The following TLCD3A variants were observed in gnomAD, a reference collection of about 807,000 sequenced individuals.
TLCD3A encodes TLC domain-containing protein 3A.
In TLCD3A, 17 loss-of-function variants were observed where a neutral mutation model predicts 29.9. That is an observed-to-expected ratio of 0.57 (90% CI 0.39 to 0.85). TLCD3A has a LOEUF of 0.85. Ranked by LOEUF, TLCD3A falls within the 40% of genes least tolerant of loss-of-function variation. The probability of loss-of-function intolerance (pLI) is 0.00; values close to 1 mark genes in which losing one functional copy is unlikely to be tolerated. For synonymous variants in TLCD3A, 143 were observed against 147.7 expected (o/e 0.97, Z 0.23); for missense variants, 332 against 350.8 (o/e 0.95, Z 0.43).
At position 741,758 on chromosome 17, in the gene TLCD3A, G is replaced by A; in HGVS notation, c.*188G>A. The A allele has an allele frequency of 1.5e-6, 1 of 682,234 alleles. No homozygotes were observed. The highest frequency in any genetic ancestry group is 1.9e-5 in the South Asian group (1 of 51,966). The allele number at this position is 682,234 out of a possible 1,614,324, so 42.3% of individuals were successfully genotyped here. On this transcript the variant is annotated 3_prime_UTR_variant, in exon 5 of 5. Transcript: ENST00000308278. ...CCCTATTTGCAAAAGCACTTTTGTA[G>A]TAACAACTATTGGGTCCTGTCAGAC...
intron 2 of TLCD3A, among the ~76,000 whole-genome samples, chr17:733,517 G>A (rs1043535780): frequency 1.3e-5 from 2 of 152,184 alleles, no homozygotes; most frequent in Non-Finnish European, 2.9e-5. Flanking sequence ...GAGCATCACT[G>A]GCTAACAGAC....
intron 2 of TLCD3A, among the ~76,000 whole-genome samples, chr17:737,645 T>C (rs935066973): frequency 5.3e-5 from 8 of 152,210 alleles, no homozygotes; most frequent in Admixed American, 1.3e-4. Context: ...GCTGAGTGAA[T>C]GCCTGCTTTT....
chr17:737,527 A>G lies in TLCD3A; in HGVS notation c.207-319A>G, dbSNP rs780211779. Among the ~76,000 whole-genome samples, 100 of 152,256 alleles carry G rather than the reference A, an allele frequency of 6.6e-4. 1 individual carries two copies. The highest frequency in any genetic ancestry group is 2.1e-4 in the Non-Finnish European group (14 of 68,016). On this transcript the variant is annotated intron_variant, in intron 2 of 4. Transcript: ENST00000308278. ...TTGGTGGGGCCGTTGAATCATTTGT[A>G]TATCTATCTATATCAAAATCAGTTT...
chr17:735,949 G>C (rs377717688), intron 2 of TLCD3A, among the ~76,000 whole-genome samples: 1 of 148,016 alleles, frequency 6.8e-6, no homozygotes, highest in African/African-American at 2.5e-5. Context: ...CATCCAGCCT[G>C]GGCGACAGAG....
At position 741,282 on chromosome 17, in the gene TLCD3A, C is replaced by T. The variant is rs1286913992; in HGVS notation, c.505-19C>T. 1.2e-6 allele frequency: 2 copies of T among 1,606,184 alleles called. No individual in the cohort carries two copies. Among genetic ancestry groups the T allele is most frequent in the Non-Finnish European group, 1.7e-6 (2 of 1,174,872 alleles). On this transcript the variant is annotated intron_variant, in intron 4 of 4. Transcript: ENST00000308278. Reference sequence around the variant, plus strand: ...AGCTTCTTGGTGACCTTACCTTTTTCCTTCCTCTTCTATTGCAGCTAAAGC... The same window carrying T: ...AGCTTCTTGGTGACCTTACCTTTTTTCTTCCTCTTCTATTGCAGCTAAAGC...
chr17:737,138 A>C (rs1303240556), intron 2 of TLCD3A, among the ~76,000 whole-genome samples: 2 of 152,050 alleles, frequency 1.3e-5, no homozygotes, highest in Non-Finnish European at 2.9e-5. Context: ...CAGCCTCCCA[A>C]GTAGCTGGGA....
In TLCD3A at chr17:738,096, C is replaced by CTTTTTTCTTT. The variant is rs1974190356; in HGVS notation, c.408+55_408+56insCTTTTTTTTT. 2.2e-5 allele frequency: 11 copies of CTTTTTTCTTT among 503,558 alleles called. 1 individual carries two copies. Among genetic ancestry groups the CTTTTTTCTTT allele is most frequent in the Non-Finnish European group, 3.1e-5 (10 of 323,932 alleles). The allele number at this position is 503,558 out of a possible 1,614,324, so 31.2% of individuals were successfully genotyped here. On this transcript the variant is annotated intron_variant, in intron 3 of 4. Coordinates refer to ENST00000308278, the MANE Select transcript of TLCD3A (RefSeq NM_024792.3). ...CCAGCAGCTGGGTTGAGCTGGGTGT[C>CTTTTTTCTTT]TTTTTTTTTTTTTTTTTCTGAGACA...
Position 736,226 on chromosome 17 carries a change from C to T in TLCD3A, c.207-1620C>T, listed in dbSNP as rs181394293. Among the ~76,000 whole-genome samples, 339 of 152,260 alleles carry T rather than the reference C, an allele frequency of 2.2e-3. 3 individuals are homozygous for T. Among genetic ancestry groups the T allele is most frequent in the African/African-American group, 7.8e-3 (323 of 41,546 alleles). On this transcript the variant is annotated intron_variant, in intron 2 of 4. Coordinates refer to ENST00000308278, the MANE Select transcript of TLCD3A (RefSeq NM_024792.3). ...TTAATACAGATTTCAGGGCCCTCGG[C>T]TTACAATTTAGAATCTCTGGGGACT... is the stretch of plus-strand genomic sequence containing the variant.
At chr17:738,332 G>C (rs549968091) in intron 3 of TLCD3A, among the ~76,000 whole-genome samples, 4 of 152,208 alleles carry the variant, frequency 2.6e-5, no homozygotes, top group African/African-American at 9.6e-5. Context: ...CTGAACTCAA[G>C]TGATCCGCCC....
intron 3 of TLCD3A, 51 bp downstream of exon 3, chr17:738,098 T>TGTTTG: frequency 9.2e-7 from 1 of 1,084,322 alleles, no homozygotes; most frequent in Admixed American, 3.0e-5. Context: ...CTGGGTGTCT[T>TGTTTG]TTTTTTTTTT....
intron 2 of TLCD3A, among the ~76,000 whole-genome samples, chr17:733,386 C>T (rs960659366): frequency 1.3e-5 from 2 of 152,230 alleles, no homozygotes; most frequent in African/African-American, 4.8e-5. Flanking sequence ...GAGTCGGAGT[C>T]TGATTTCAGG....
intron 2 of TLCD3A, 33 bp from the exon 3 acceptor site, chr17:737,813 G>T: frequency 6.3e-7 from 1 of 1,599,354 alleles, no homozygotes; most frequent in South Asian, 1.1e-5. Flanking sequence ...TATCCACAAT[G>T]ATTTCACGGG....
At chr17:739,354 A>G (rs549360728) in intron 3 of TLCD3A, among the ~76,000 whole-genome samples, 3 of 152,118 alleles carry the variant, frequency 2.0e-5, no homozygotes, top group East Asian at 3.9e-4. Flanking sequence ...ATGCCTGGCT[A>G]ATTTTTATAT....
At chr17:737,173 G>A (rs1974169475) in intron 2 of TLCD3A, among the ~76,000 whole-genome samples, 1 of 151,924 alleles carries the variant, frequency 6.6e-6, no homozygotes, top group African/African-American at 2.4e-5. Context: ...CACCACATCT[G>A]ACTAATTTTT....
intron 1 of TLCD3A, 37 bp from the exon 2 acceptor site, chr17:733,061 G>C: frequency 6.5e-7 from 1 of 1,538,816 alleles, no homozygotes; most frequent in Non-Finnish European, 8.8e-7. Context: ...CCTCGGACCG[G>C]ACTGAGCGCG....
At chr17:736,579 G>C (rs1974156643) in intron 2 of TLCD3A, among the ~76,000 whole-genome samples, 1 of 152,180 alleles carries the variant, frequency 6.6e-6, no homozygotes, top group Non-Finnish European at 1.5e-5. Context: ...TTTTGACCTA[G>C]CCTCTCTCCT....
At position 741,505 on chromosome 17, in the gene TLCD3A, TTC is replaced by T; in HGVS notation, c.711_712del (p.Phe237LeufsTer12). 7 of 1,614,130 alleles carry T rather than the reference TTC, an allele frequency of 4.3e-6. No homozygotes were observed. Among genetic ancestry groups the T allele is most frequent in the Non-Finnish European group, 5.9e-6 (7 of 1,180,006 alleles). On this transcript the variant is annotated frameshift_variant, in exon 5 of 5. Transcript: ENST00000308278. LOFTEE classifies it high-confidence loss of function. ...CCTCGTAGCTCCTCAGATCTACTGG[TTC>T]TGTCTGCTGTGCAGGAAGGCAGTCC... ...AFLVAPQIYW[F>X]CLLCRKAVRL... is the part of the protein sequence containing the mutation.
chr17:733,628 G>C (rs1974111400), intron 2 of TLCD3A, among the ~76,000 whole-genome samples: 1 of 152,172 alleles, frequency 6.6e-6, no homozygotes, highest in Non-Finnish European at 1.5e-5. Context: ...TTTGCTAAAG[G>C]TGATTGAGAG....
Position 742,019 on chromosome 17 carries a change from G to A in TLCD3A, c.*449G>A, listed in dbSNP as rs190338103. 3.9e-4 allele frequency: 79 copies of A among 200,698 alleles called. 2 individuals are homozygous for A. In the East Asian group the frequency reaches 9.6e-3, roughly 24 times the overall value. The allele number at this position is 200,698 out of a possible 1,614,324, so 12.4% of individuals were successfully genotyped here. A position where few individuals can be genotyped will look rare whatever the true frequency, so the allele number is the denominator to read the frequency against. On this transcript the variant is annotated 3_prime_UTR_variant, in exon 5 of 5. Transcript: ENST00000308278. ...TGACTTGGTTCTTGGAAGTAATGTC[G>A]TCTTGTGACATTGGCCTGGGACAAT...
Sources: gnomAD v4.1 joint callset for allele counts (sites outside exome capture counted in the v4.1 genomes callset) on GRCh38, gnomAD v4.1.1 for gene constraint, MANE v1.5 for transcripts, NCBI Gene and HGNC (gene_info 2026-07-23, HGNC 2026-07-21) for gene names.